The following CSMD1 variants were observed in gnomAD, a reference collection of about 807,000 sequenced individuals.
CSMD1 encodes CUB and sushi domain-containing protein 1.
Under a neutral mutation model 417.5 loss-of-function variants are expected in CSMD1, and 213 were observed. The observed-to-expected ratio is 0.51, with a 90% CI of 0.46 to 0.57. The LOEUF is 0.57. Ranked by LOEUF, CSMD1 falls within the 20% of genes least tolerant of loss-of-function variation. The probability of loss-of-function intolerance (pLI) is 0.00; values close to 1 mark genes in which losing one functional copy is unlikely to be tolerated. For missense variants in CSMD1, 6,923 were observed against 4,529.7 expected (o/e 1.53, Z -15.17); for synonymous variants, 2,862 against 1,736.8 (o/e 1.65, Z -16.11).
chr8:3,513,136 TA>T (rs1340208672), intron 10 of CSMD1, among the ~76,000 whole-genome samples: 1 of 151,942 alleles, frequency 6.6e-6, no homozygotes, highest in Non-Finnish European at 1.5e-5. Context: ...TATTTTTTTT[TA>T]TATGCCTTTA....
intron 3 of CSMD1, among the ~76,000 whole-genome samples, chr8:4,212,097 A>G (rs901470394): frequency 4.6e-5 from 7 of 151,866 alleles, no homozygotes; most frequent in Admixed American, 2.0e-4. Flanking sequence ...ACGGAACGTA[A>G]AAGTCATGAT....
Position 4,637,404 on chromosome 8 carries a change from T to G in CSMD1, c.240A>C (p.Glu80Asp). 6.2e-7 allele frequency: 1 copy of G among 1,613,958 alleles called. No individual in the cohort carries two copies. ...IQLSFHTFALEEDFDILSVYD... is the reference protein window; with the variant it reads ...IQLSFHTFALDEDFDILSVYD... Reference sequence around the variant, plus strand: ...AAACTGATAAAATATCAAAATCTTCTTCAAGAGCAAAGGTATGGAAGGACA... The same window carrying G: ...AAACTGATAAAATATCAAAATCTTCGTCAAGAGCAAAGGTATGGAAGGACA... The change falls in exon 2 of 70, where the codon GAA becomes GAC. Residue 80 changes from glutamate to aspartate, a missense_variant. Transcript: ENST00000635120.
intron 5 of CSMD1, among the ~76,000 whole-genome samples, chr8:3,969,613 A>T (rs1012050858): frequency 2.0e-5 from 3 of 152,238 alleles, no homozygotes; most frequent in Non-Finnish European, 4.4e-5. Context: ...TTGACATAAA[A>T]TTAAATAAAG....
intron 30 of CSMD1, among the ~76,000 whole-genome samples, chr8:3,209,448 C>T (rs564047997): frequency 1.3e-5 from 2 of 152,004 alleles, no homozygotes; most frequent in East Asian, 3.9e-4. Flanking sequence ...TCCCGAGTAG[C>T]TGGGACTACA....
intron 3 of CSMD1, among the ~76,000 whole-genome samples, chr8:4,220,525 G>C (rs981389475): frequency 1.3e-5 from 2 of 152,178 alleles, no homozygotes; most frequent in East Asian, 1.9e-4. Flanking sequence ...TGCAAGAGTG[G>C]AAACATGGAG....
intron 1 of CSMD1, among the ~76,000 whole-genome samples, chr8:4,862,464 T>C (rs1051048369): frequency 1.2e-4 from 18 of 151,988 alleles, no homozygotes; most frequent in African/African-American, 4.4e-4. Context: ...ACATTAAAAG[T>C]AAAAAGAATG....
intron 2 of CSMD1, among the ~76,000 whole-genome samples, chr8:4,429,216 G>A (rs1395151247): frequency 4.0e-5 from 6 of 151,500 alleles, no homozygotes; most frequent in African/African-American, 7.3e-5. Flanking sequence ...TGCCTTACAC[G>A]AATATCTGGT....
At chr8:4,363,095 T>A (rs1322308049) in intron 3 of CSMD1, among the ~76,000 whole-genome samples, 1 of 152,178 alleles carries the variant, frequency 6.6e-6, no homozygotes, top group Non-Finnish European at 1.5e-5. Context: ...CAGTGGATCA[T>A]AATATCAGAG....
At chr8:4,756,258 C>T (rs1262085432) in intron 1 of CSMD1, among the ~76,000 whole-genome samples, 1 of 152,102 alleles carries the variant, frequency 6.6e-6, no homozygotes, top group Non-Finnish European at 1.5e-5. Flanking sequence ...CAGAAAAGAG[C>T]TAGTATAAAA....
intron 7 of CSMD1, among the ~76,000 whole-genome samples, chr8:3,668,034 G>C (rs574468867): frequency 1.3e-5 from 2 of 152,238 alleles, no homozygotes; most frequent in African/African-American, 4.8e-5. Flanking sequence ...TTCTCCCCCA[G>C]TCCCCATCCC....
intron 1 of CSMD1, among the ~76,000 whole-genome samples, chr8:4,959,110 A>C (rs993384911): frequency 6.6e-6 from 1 of 152,198 alleles, no homozygotes; most frequent in African/African-American, 2.4e-5. Flanking sequence ...CTTAGTTTTA[A>C]TATAGATTTT....
chr8:3,200,997 C>G (rs17319380), intron 32 of CSMD1, among the ~76,000 whole-genome samples: 2,524 of 152,180 alleles, frequency 0.017, 37 homozygotes, highest in Non-Finnish European at 0.028. Context: ...TATATTAAAC[C>G]GACTGAATAC....
chr8:4,659,130 AAAG>A (rs1804424198), intron 1 of CSMD1, among the ~76,000 whole-genome samples: 1 of 152,178 alleles, frequency 6.6e-6, no homozygotes, highest in African/African-American at 2.4e-5. Context: ...AAAATGGGTC[AAAG>A]AAGAAATTCC....
chr8:4,153,566 G>A (rs754037576), intron 3 of CSMD1, among the ~76,000 whole-genome samples: 1 of 152,178 alleles, frequency 6.6e-6, no homozygotes, highest in African/African-American at 2.4e-5. Flanking sequence ...ACGCAATCAT[G>A]GGAAATGCTG....
intron 1 of CSMD1, among the ~76,000 whole-genome samples, chr8:4,921,503 G>C (rs898181700): frequency 1.3e-5 from 2 of 152,214 alleles, no homozygotes; most frequent in Non-Finnish European, 2.9e-5. Context: ...ATGTAAGTTT[G>C]TGATGTTGGA....
At chr8:3,585,808 T>C (rs531235949) in intron 9 of CSMD1, among the ~76,000 whole-genome samples, 1 of 152,182 alleles carries the variant, frequency 6.6e-6, no homozygotes, top group Non-Finnish European at 1.5e-5. Flanking sequence ...CACAGAAACC[T>C]TTCCGGCAGG....
intron 3 of CSMD1, among the ~76,000 whole-genome samples, chr8:4,406,626 G>A (rs1215403957): frequency 6.6e-6 from 1 of 152,110 alleles, no homozygotes; most frequent in Non-Finnish European, 1.5e-5. Context: ...CGGAGGCTGG[G>A]ACTGGCCACA....
chr8:3,923,592 C>A (rs1236766570), intron 5 of CSMD1, among the ~76,000 whole-genome samples: 1 of 152,148 alleles, frequency 6.6e-6, no homozygotes, highest in Non-Finnish European at 1.5e-5. Flanking sequence ...ACATACTCAT[C>A]ACCTCATATA....
chr8:3,487,500 C>T (rs191547962), intron 11 of CSMD1, among the ~76,000 whole-genome samples: 6 of 152,264 alleles, frequency 3.9e-5, no homozygotes, highest in African/African-American at 7.2e-5. Context: ...CATGCCCGGC[C>T]TATCAGTATA....
Sources: gnomAD v4.1 joint callset for allele counts (sites outside exome capture counted in the v4.1 genomes callset) on GRCh38, gnomAD v4.1.1 for gene constraint, MANE v1.5 for transcripts, NCBI Gene and HGNC (gene_info 2026-07-23, HGNC 2026-07-21) for gene names.